MAST4: variants seen among roughly 807,000 people sequenced by gnomAD.
MAST4 encodes microtubule associated serine/threonine kinase family member 4.
MAST4 carries 89 observed loss-of-function variants against 162.7 expected under a neutral mutation model. That is an observed-to-expected ratio of 0.55 (90% CI 0.46 to 0.65). The LOEUF is 0.65. Ranked by LOEUF, MAST4 falls within the 30% of genes least tolerant of loss-of-function variation. The pLI is 0.00. For missense variants in MAST4, 3,153 were observed against 3,374.0 expected (o/e 0.93, Z 1.62); for synonymous variants, 1,479 against 1,361.1 (o/e 1.09, Z -1.91).
At chr5:66,992,057 G>T (rs1358407405) in intron 4 of MAST4, among the ~76,000 whole-genome samples, 1 of 152,202 alleles carries the variant, frequency 6.6e-6, no homozygotes, top group East Asian at 1.9e-4. Context: ...TTAAAACAAT[G>T]ATAGCAGAAA....
chr5:67,135,418 T>G (rs188853236), intron 18 of MAST4, among the ~76,000 whole-genome samples: 1 of 152,328 alleles, frequency 6.6e-6, no homozygotes, highest in East Asian at 1.9e-4. Context: ...GCCTCTCATC[T>G]TGAAAGTTTG....
At chr5:66,749,372 G>A (rs539025292) in intron 1 of MAST4, among the ~76,000 whole-genome samples, 136 of 152,276 alleles carry the variant, frequency 8.9e-4, no homozygotes, top group Non-Finnish European at 1.6e-3. Context: ...ACAGATGCCC[G>A]TAGCATAGGC....
chr5:67,037,445 T>C (rs182005798), intron 4 of MAST4, among the ~76,000 whole-genome samples: 5 of 152,186 alleles, frequency 3.3e-5, no homozygotes, highest in African/African-American at 7.2e-5. Flanking sequence ...TGGAGTAGAG[T>C]ATTAAAAATA....
At chr5:66,694,517 C>A (rs944523237) in intron 1 of MAST4, among the ~76,000 whole-genome samples, 1 of 151,350 alleles carries the variant, frequency 6.6e-6, no homozygotes, top group Non-Finnish European at 1.5e-5. Context: ...GTTGGAATCT[C>A]GCTGTGTTGA....
At chr5:66,770,075 A>G (rs989717021) in intron 2 of MAST4, among the ~76,000 whole-genome samples, 2 of 152,232 alleles carry the variant, frequency 1.3e-5, no homozygotes, top group Admixed American at 1.3e-4. Context: ...TTCATCAGTA[A>G]TAGCTTATGA....
In MAST4 at chr5:67,136,614, A is replaced by G; in HGVS notation, c.2444A>G (p.Asp815Gly). The change falls in exon 19 of 29, where the codon GAT becomes GGT. Residue 815 changes from aspartate (D) to glycine (G), a missense_variant. By Grantham distance (94) the Asp-to-Gly change is moderately conservative (BLOSUM62 -1). This residue lies in a region of MAST4 where 62 missense variants were observed against 63.1 expected (regional missense o/e 0.98). Transcript: ENST00000403625. ...GAGGCACCCCCACCTGATGCCCAGG[A>G]TCTGATTACCTTACTCCTCAGGCAG... ...KDEAPPPDAQDLITLLLRQNP... is the reference protein window; with the variant it reads ...KDEAPPPDAQGLITLLLRQNP... 1 of 1,607,408 alleles carries G rather than the reference A, an allele frequency of 6.2e-7. No individual in the cohort carries two copies. Among genetic ancestry groups the G allele is most frequent in the Non-Finnish European group, 8.5e-7 (1 of 1,176,876 alleles).
intron 1 of MAST4, among the ~76,000 whole-genome samples, chr5:66,687,873 A>G (rs1277935202): frequency 2.6e-5 from 4 of 152,190 alleles, no homozygotes; most frequent in Non-Finnish European, 4.4e-5. Flanking sequence ...GATGAAGTTT[A>G]CCTTAAAAAA....
intron 1 of MAST4, among the ~76,000 whole-genome samples, chr5:66,686,142 C>T (rs1357253915): frequency 2.0e-5 from 3 of 152,126 alleles, no homozygotes; most frequent in Admixed American, 6.5e-5. Flanking sequence ...AGATTAAAAT[C>T]TTGGCCCTGA....
At chr5:66,660,869 A>C (rs1177943534) in intron 1 of MAST4, among the ~76,000 whole-genome samples, 1 of 152,208 alleles carries the variant, frequency 6.6e-6, no homozygotes, top group African/African-American at 2.4e-5. Context: ...CTCCTGTGTG[A>C]ATTTCTAAAG....
intron 4 of MAST4, among the ~76,000 whole-genome samples, chr5:66,938,511 A>G (rs1743008385): frequency 6.6e-6 from 1 of 152,188 alleles, no homozygotes; most frequent in Admixed American, 6.5e-5. Context: ...ATTGTGTTCT[A>G]TTCATGAGTT....
At chr5:66,674,634 A>T (rs1426185156) in intron 1 of MAST4, among the ~76,000 whole-genome samples, 2 of 152,158 alleles carry the variant, frequency 1.3e-5, no homozygotes, top group African/African-American at 4.8e-5. Flanking sequence ...GTCCTGAGAA[A>T]ACCTGTAGAT....
chr5:66,807,278 T>C (rs1015892315), intron 3 of MAST4, among the ~76,000 whole-genome samples: 2 of 152,058 alleles, frequency 1.3e-5, no homozygotes, highest in South Asian at 2.1e-4. Context: ...GGGTGGATCA[T>C]GAGGTCAGGA....
intron 4 of MAST4, among the ~76,000 whole-genome samples, chr5:66,979,619 G>T (rs1748543893): frequency 6.6e-6 from 1 of 152,158 alleles, no homozygotes; most frequent in African/African-American, 2.4e-5. Context: ...TACTAGGATT[G>T]GGCTACTGGA....
At chr5:66,910,085 A>G (rs16895926) in intron 4 of MAST4, among the ~76,000 whole-genome samples, 4,995 of 152,314 alleles carry the variant, frequency 0.033, 151 homozygotes, top group African/African-American at 0.076. Flanking sequence ...GTTTTATAAA[A>G]AAATGTGAGC....
At chr5:66,691,135 G>T (rs1404347944) in intron 1 of MAST4, among the ~76,000 whole-genome samples, 1 of 152,058 alleles carries the variant, frequency 6.6e-6, no homozygotes, top group Non-Finnish European at 1.5e-5. Context: ...TGGAATTGCT[G>T]TTCTTGTCAG....
intron 1 of MAST4, among the ~76,000 whole-genome samples, chr5:66,674,768 A>G (rs1174286508): frequency 1.3e-5 from 2 of 152,172 alleles, no homozygotes; most frequent in African/African-American, 2.4e-5. Context: ...CTGTGTTGCT[A>G]TGGACCCTGG....
chr5:66,648,036 G>A (rs1293807838), intron 1 of MAST4, among the ~76,000 whole-genome samples: 11 of 19,078 alleles, frequency 5.8e-4, no homozygotes, highest in South Asian at 3.2e-3. Context: ...GTTAGGTAAT[G>A]TGTGTGTGTG....
intron 1 of MAST4, among the ~76,000 whole-genome samples, chr5:66,633,437 T>C (rs899751262): frequency 3.3e-5 from 5 of 152,112 alleles, no homozygotes; most frequent in African/African-American, 1.2e-4. Context: ...TCTAACCAGA[T>C]TGGGAGGGTA....
chr5:66,908,859 C>T (rs923562475), intron 4 of MAST4, among the ~76,000 whole-genome samples: 1 of 152,126 alleles, frequency 6.6e-6, no homozygotes, highest in Admixed American at 6.5e-5. Context: ...AGCTGCATGA[C>T]CTTAACCTCT....
Sources: allele counts gnomAD v4.1 joint callset (sites outside exome capture counted in the v4.1 genomes callset), GRCh38; gene constraint gnomAD v4.1.1; regional missense constraint gnomAD v4.1.1; transcripts MANE v1.5; gene names NCBI Gene and HGNC (gene_info 2026-07-23, HGNC 2026-07-21).